The following SFI1 variants were observed in gnomAD, a reference collection of about 807,000 sequenced individuals.
SFI1 encodes the protein SFI1 centrin binding protein, also known as protein SFI1 homolog.
In SFI1, 195 loss-of-function variants were observed where a neutral mutation model predicts 207.5. The ratio of observed to expected loss-of-function variants is 0.94; its 90% CI spans 0.84 to 1.06. The LOEUF is 1.06. Among genes scored for constraint, SFI1 ranks in the 50% least tolerant of loss-of-function variants. The probability of loss-of-function intolerance (pLI) is 0.00; values close to 1 mark genes in which losing one functional copy is unlikely to be tolerated. For missense variants in SFI1, 1,634 were observed against 1,588.0 expected (o/e 1.03, Z -0.49); for synonymous variants, 630 against 598.9 (o/e 1.05, Z -0.76).
At chr22:31,511,302 G>A (rs766050102) in intron 2 of SFI1, among the ~76,000 whole-genome samples, 3 of 152,030 alleles carry the variant, frequency 2.0e-5, no homozygotes, top group Non-Finnish European at 2.9e-5. Context: ...GTTGATAGAC[G>A]TTCTCATAGA....
chr22:31,609,078 A>C (rs551140226), intron 22 of SFI1, among the ~76,000 whole-genome samples: 1 of 151,744 alleles, frequency 6.6e-6, no homozygotes, highest in Admixed American at 6.6e-5. Flanking sequence ...GCTCACTGCA[A>C]CCTCCACCTC....
chr22:31,588,841 A>C (rs5994405), intron 14 of SFI1, among the ~76,000 whole-genome samples: 1 of 151,820 alleles, frequency 6.6e-6, no homozygotes, highest in South Asian at 2.1e-4. Flanking sequence ...ACAACAAAAA[A>C]AACAAAAACA....
intron 21 of SFI1, chr22:31,606,640 A>T: frequency 2.0e-6 from 1 of 498,370 alleles, no homozygotes; most frequent in Non-Finnish European, 3.6e-6. Flanking sequence ...AAATAGAAAC[A>T]TAACACATCA....
intron 8 of SFI1, among the ~76,000 whole-genome samples, chr22:31,568,367 A>T (rs749336803): frequency 1.8e-4 from 27 of 150,844 alleles, no homozygotes; most frequent in Non-Finnish European, 3.7e-4. Context: ...TCTCTACTAA[A>T]CATACAAAAA....
intron 1 of SFI1, among the ~76,000 whole-genome samples, chr22:31,500,285 A>G (rs1472560553): frequency 6.6e-6 from 1 of 151,392 alleles, no homozygotes; most frequent in African/African-American, 2.4e-5. Flanking sequence ...CTCAAAAAAA[A>G]AAAAAAAAAA....
At chr22:31,504,404 G>T (rs541522691) in intron 1 of SFI1, among the ~76,000 whole-genome samples, 1 of 152,272 alleles carries the variant, frequency 6.6e-6, no homozygotes, top group African/African-American at 2.4e-5. Context: ...CTAATTCCTT[G>T]TCTGATTGTC....
At chr22:31,570,910 A>G (rs999436252) in intron 8 of SFI1, among the ~76,000 whole-genome samples, 8 of 152,214 alleles carry the variant, frequency 5.3e-5, no homozygotes, top group African/African-American at 1.9e-4. Flanking sequence ...TTTGTCAGAC[A>G]CTTCTGGCAG....
At position 31,583,921 on chromosome 22, in the gene SFI1, A is replaced by G. The variant is rs751117003; in HGVS notation, c.1295A>G (p.Lys432Arg). 13 of 1,614,174 alleles carry G rather than the reference A, an allele frequency of 8.1e-6. No individual in the cohort carries two copies. The highest frequency in any genetic ancestry group is 1.3e-5 in the African/African-American group (1 of 75,032). The change falls in exon 13 of 33, where the codon AAA becomes AGA. Residue 432 changes from lysine (K) to arginine (R), a missense_variant. Transcript: ENST00000400288. ...CTCTGGCGGTCTCAGATTGAGCAGA[A>G]AAAGGAAAGAGAGCTGCTCCCCTTA... Reference protein sequence around the residue: ...WNLWRSQIEQKKERELLPLLH... With the variant: ...WNLWRSQIEQRKERELLPLLH...
intron 4 of SFI1, among the ~76,000 whole-genome samples, chr22:31,544,230 T>C (rs1262048542): frequency 1.3e-5 from 2 of 152,136 alleles, no homozygotes; most frequent in African/African-American, 4.8e-5. Flanking sequence ...ACTGCTTTTC[T>C]GTGTTCCTTA....
intron 8 of SFI1, among the ~76,000 whole-genome samples, chr22:31,561,952 GA>G (rs1214724809): frequency 2.0e-5 from 3 of 151,966 alleles, no homozygotes; most frequent in African/African-American, 7.3e-5. Context: ...TAAGTTATAG[GA>G]AATAGAACAG....
chr22:31,615,363 A>AC, intron 29 of SFI1, 84 bp downstream of exon 29: 1 of 1,275,776 alleles, frequency 7.8e-7, no homozygotes, highest in Non-Finnish European at 1.0e-6. Flanking sequence ...CAGCTGTACT[A>AC]GTTTCTGGAA....
intron 2 of SFI1, among the ~76,000 whole-genome samples, chr22:31,511,906 C>T (rs1222268297): frequency 6.6e-6 from 1 of 152,064 alleles, no homozygotes; most frequent in African/African-American, 2.4e-5. Context: ...CCTGTCTTGG[C>T]CTCCCAAAGT....
chr22:31,583,209 G>A (rs1323115679), intron 12 of SFI1, among the ~76,000 whole-genome samples: 1 of 152,170 alleles, frequency 6.6e-6, no homozygotes, highest in African/African-American at 2.4e-5. Context: ...CACCTCCCGG[G>A]TTTAAGCGAT....
chr22:31,570,209 C>T (rs886207995), intron 8 of SFI1, among the ~76,000 whole-genome samples: 7 of 151,942 alleles, frequency 4.6e-5, no homozygotes, highest in Non-Finnish European at 1.0e-4. Context: ...TTACAAAATT[C>T]CAGGTGAGAT....
intron 10 of SFI1, among the ~76,000 whole-genome samples, chr22:31,577,531 C>T (rs151198133): frequency 0.011 from 1,635 of 152,168 alleles, 8 homozygotes; most frequent in Middle Eastern, 0.031. Flanking sequence ...CCTCAGCCTA[C>T]GAAGTAGGTG....
chr22:31,597,258 G>GA (rs1176145796), intron 15 of SFI1, among the ~76,000 whole-genome samples: 2 of 152,204 alleles, frequency 1.3e-5, no homozygotes, highest in Non-Finnish European at 2.9e-5. Flanking sequence ...GGTGGTTTTA[G>GA]AGCTATCACT....
At position 31,602,221 on chromosome 22, in the gene SFI1, A is replaced by G; in HGVS notation, c.1554A>G (p.Leu518=). 1.2e-6 allele frequency: 2 copies of G among 1,613,946 alleles called. No individual in the cohort carries two copies. The highest frequency in any genetic ancestry group is 8.5e-7 in the Non-Finnish European group (1 of 1,179,776). The change falls in exon 16 of 33, where the codon TTA becomes TTG. Residue 518 remains leucine, a synonymous_variant. Coordinates refer to ENST00000400288, the MANE Select transcript of SFI1 (RefSeq NM_001007467.3). ...CTTCCTTGTTTTTTAGGGAGACATTAGAGAAGCAAGTATTTTCTCTCTGGA... is the reference window on the plus strand; with the variant it reads ...CTTCCTTGTTTTTTAGGGAGACATTGGAGAAGCAAGTATTTTCTCTCTGGA... ...ARATRFHRET[L]EKQVFSLWRQ...
chr22:31,522,857 T>C (rs2147131538), intron 2 of SFI1, among the ~76,000 whole-genome samples: 1 of 152,312 alleles, frequency 6.6e-6, no homozygotes, highest in African/African-American at 2.4e-5. Flanking sequence ...GGTTTCACCA[T>C]GTTGGCCAGG....
chr22:31,515,783 GC>G (rs1449407623), intron 2 of SFI1, among the ~76,000 whole-genome samples: 1 of 149,498 alleles, frequency 6.7e-6, no homozygotes, highest in Non-Finnish European at 1.5e-5. Context: ...TGTTGCCCAG[GC>G]TGGAGTGCAG....
Sources: allele counts gnomAD v4.1 joint callset (sites outside exome capture counted in the v4.1 genomes callset), GRCh38; gene constraint gnomAD v4.1.1; transcripts MANE v1.5; gene names NCBI Gene and HGNC (gene_info 2026-07-23, HGNC 2026-07-21).